NUP37: variants seen among roughly 807,000 people sequenced by gnomAD.
NUP37 encodes nucleoporin Nup37.
A neutral mutation model predicts 45.4 loss-of-function variants in NUP37; 33 were observed. The ratio of observed to expected loss-of-function variants is 0.73; its 90% confidence interval spans 0.55 to 0.97. The LOEUF is 0.97. NUP37 is among the 50% of genes least tolerant of loss of function. The pLI, the probability that NUP37 is intolerant of heterozygous loss-of-function variation, is 0.00. For synonymous variants in NUP37, 127 were observed against 130.7 expected (o/e 0.97, Z 0.19); for missense variants, 365 against 389.7 (o/e 0.94, Z 0.53).
chr12:102,113,927 T>A (rs921044429), intron 2 of NUP37, among the ~76,000 whole-genome samples: 1 of 152,212 alleles, frequency 6.6e-6, no homozygotes, highest in Admixed American at 6.5e-5. Flanking sequence ...ATACTACACA[T>A]CTTTCTCTGC....
chr12:102,088,630 CTCA>C (rs1402586322), intron 5 of NUP37, among the ~76,000 whole-genome samples: 2 of 150,366 alleles, frequency 1.3e-5, no homozygotes, highest in Non-Finnish European at 3.0e-5. Flanking sequence ...ACTTCTTTTA[CTCA>C]TCATTAGGTT....
At chr12:102,093,118 T>TA (rs1184447065) in intron 5 of NUP37, among the ~76,000 whole-genome samples, 4 of 152,002 alleles carry the variant, frequency 2.6e-5, no homozygotes, top group Admixed American at 2.6e-4. Context: ...CTGAAAATAA[T>TA]ATGTCAAAAT....
chr12:102,118,235 A>G (rs974275457), intron 2 of NUP37, 128 bp downstream of exon 2: 3 of 919,178 alleles, frequency 3.3e-6, no homozygotes, highest in Admixed American at 2.6e-5. Context: ...ATCTTTCTCT[A>G]TGGATCTTAT....
chr12:102,116,723 C>T (rs994638854), intron 2 of NUP37, among the ~76,000 whole-genome samples: 3 of 152,094 alleles, frequency 2.0e-5, no homozygotes, highest in Non-Finnish European at 4.4e-5. Flanking sequence ...ACAGAATTGC[C>T]GCTGGGCATG....
At chr12:102,105,469 G>A (rs577288529) in intron 3 of NUP37, among the ~76,000 whole-genome samples, 25 of 152,116 alleles carry the variant, frequency 1.6e-4, no homozygotes, top group Non-Finnish European at 3.5e-4. Context: ...GGCGGAGGTT[G>A]TAGTGAGCTG....
chr12:102,112,153 G>A lies in NUP37; in HGVS notation c.236C>T (p.Ala79Val). ...FHHGVRVDGI[A>V]WSPETRLDSL... The stretch of plus-strand genomic sequence containing the variant: ...ATCAAGTCTAGTCTCTGGGCTCCAA[G>A]CTATGCCATCAACCCTGACTCCATG... Residue 79 changes from alanine (A) to valine (V), a missense_variant, in exon 3 of 10, where the codon GCT becomes GTT. Coordinates refer to ENST00000552283, the MANE Select transcript of NUP37 (RefSeq NM_024057.4). 6.2e-7 allele frequency: 1 copy of A among 1,613,816 alleles called. No homozygotes were observed. The highest frequency in any genetic ancestry group is 8.5e-7 in the Non-Finnish European group (1 of 1,179,776).
At chr12:102,106,970 C>A (rs137871787) in intron 3 of NUP37, among the ~76,000 whole-genome samples, 106 of 152,264 alleles carry the variant, frequency 7.0e-4, no homozygotes, top group African/African-American at 2.2e-3. Flanking sequence ...AGGCACCAGA[C>A]CCCTCGTTTG....
intron 5 of NUP37, among the ~76,000 whole-genome samples, chr12:102,087,085 G>C (rs1879493546): frequency 6.6e-6 from 1 of 152,156 alleles, no homozygotes; most frequent in South Asian, 2.1e-4. Context: ...GGGTGACAGA[G>C]ACCCTGTCTC....
At chr12:102,112,626 TGTCTAC>T (rs1300520282) in intron 2 of NUP37, among the ~76,000 whole-genome samples, 1 of 152,158 alleles carries the variant, frequency 6.6e-6, no homozygotes, top group Non-Finnish European at 1.5e-5. Flanking sequence ...GTGAGACCTG[TGTCTAC>T]GTTATAAAAA....
Position 102,080,414 on chromosome 12 carries a change from C to T in NUP37, c.541-2911G>A, listed in dbSNP as rs144851525. Among the ~76,000 whole-genome samples the T allele has an allele frequency of 5.9e-3, 893 of 152,216 alleles. 11 individuals carry two copies. Among genetic ancestry groups the T allele is most frequent in the African/African-American group, 0.02 (838 of 41,518 alleles). ...CCAGCCTGGGCCACAGAGTGAGACC[C>T]TGCCTCAAAAACAAAACAAACAGAA... On this transcript the variant is annotated intron_variant, in intron 6 of 9. Coordinates refer to ENST00000552283, the MANE Select transcript of NUP37 (RefSeq NM_024057.4).
chr12:102,106,492 G>A (rs1160622177), intron 3 of NUP37, among the ~76,000 whole-genome samples: 1 of 151,958 alleles, frequency 6.6e-6, no homozygotes, highest in Non-Finnish European at 1.5e-5. Context: ...AAAACTCAGG[G>A]CTCAGTTTCC....
chr12:102,078,207 T>C (rs994113079), intron 6 of NUP37, among the ~76,000 whole-genome samples: 2 of 151,338 alleles, frequency 1.3e-5, no homozygotes, highest in African/African-American at 4.9e-5. Flanking sequence ...GGCATGCGCG[T>C]AATCCTAGCT....
At chr12:102,116,977 G>A (rs1208485295) in intron 2 of NUP37, among the ~76,000 whole-genome samples, 1 of 152,242 alleles carries the variant, frequency 6.6e-6, no homozygotes, top group East Asian at 1.9e-4. Context: ...ACTCCAGCCT[G>A]GATGACAGAG....
chr12:102,118,561 T>G lies in NUP37; in HGVS notation c.-43A>C. The G allele has an allele frequency of 6.3e-7, 1 of 1,580,068 alleles. No individual in the cohort carries two copies. Among genetic ancestry groups the G allele is most frequent in the Non-Finnish European group, 8.6e-7 (1 of 1,160,450 alleles). On this transcript the variant is annotated 5_prime_UTR_variant, in exon 2 of 10. Coordinates refer to ENST00000552283, the MANE Select transcript of NUP37 (RefSeq NM_024057.4). The stretch of plus-strand genomic sequence containing the variant: ...AAGCAGTTGTGAAAATTAAATAGCC[T>G]TCTACTGGACAAGGTCACGAAACTG...
At position 102,074,217 on chromosome 12, in the gene NUP37, T is replaced by A; in HGVS notation, c.*137A>T. 2.1e-6 allele frequency: 1 copy of A among 485,976 alleles called. No homozygotes were observed. Among genetic ancestry groups the A allele is most frequent in the Admixed American group, 3.7e-5 (1 of 26,996 alleles). 30.1% of individuals were successfully genotyped at this position (485,976 alleles called of 1,614,324 possible). A position where few individuals can be genotyped will look rare whatever the true frequency, so the allele number is the denominator to read the frequency against. ...TTTTTCAAACCATCAACATTTTATTTAATAAAAGCAACTGAGACATTTTCT... is the reference window on the plus strand; with the variant it reads ...TTTTTCAAACCATCAACATTTTATTAAATAAAAGCAACTGAGACATTTTCT... On this transcript the variant is annotated 3_prime_UTR_variant, in exon 10 of 10. Transcript: ENST00000552283.
Position 102,112,156 on chromosome 12 carries a change from A to T in NUP37, c.233T>A (p.Ile78Lys). 3 of 1,613,928 alleles carry T rather than the reference A, an allele frequency of 1.9e-6. No individual in the cohort carries two copies. Among genetic ancestry groups the T allele is most frequent in the Non-Finnish European group, 2.5e-6 (3 of 1,179,856 alleles). ...TFHHGVRVDG[I>K]AWSPETRLDS... Reference sequence around the variant, plus strand: ...AAGTCTAGTCTCTGGGCTCCAAGCTATGCCATCAACCCTGACTCCATGGTG... The same window carrying T: ...AAGTCTAGTCTCTGGGCTCCAAGCTTTGCCATCAACCCTGACTCCATGGTG... Residue 78 changes from isoleucine (I) to lysine (K), a missense_variant, in exon 3 of 10, where the codon ATA (isoleucine) becomes AAA (lysine). Physicochemically the swap from Ile to Lys is moderately radical, Grantham distance 102 (BLOSUM62 -3). Transcript: ENST00000552283.
chr12:102,108,718 A>T (rs1880228926), intron 3 of NUP37, among the ~76,000 whole-genome samples: 1 of 152,192 alleles, frequency 6.6e-6, no homozygotes, highest in African/African-American at 2.4e-5. Context: ...AATTTGTCCA[A>T]TTATTATTTT....
intron 8 of NUP37, among the ~76,000 whole-genome samples, chr12:102,076,455 TA>T (rs1338888327): frequency 6.6e-6 from 1 of 152,184 alleles, no homozygotes; most frequent in Non-Finnish European, 1.5e-5. Flanking sequence ...ATTTAACACA[TA>T]ATAATAAAGT....
intron 5 of NUP37, among the ~76,000 whole-genome samples, chr12:102,097,420 CT>C (rs1444039074): frequency 6.6e-6 from 1 of 151,928 alleles, no homozygotes; most frequent in African/African-American, 2.4e-5. Flanking sequence ...TAATAATGTC[CT>C]TTCTTTTACA....
Sources: gnomAD v4.1 joint callset for allele counts (sites outside exome capture counted in the v4.1 genomes callset) on GRCh38, gnomAD v4.1.1 for gene constraint, MANE v1.5 for transcripts, NCBI Gene and HGNC (gene_info 2026-07-23, HGNC 2026-07-21) for gene names.